Variants in GTF2H3 observed in about 807,000 individuals in gnomAD.
The protein encoded by GTF2H3 is general transcription factor IIH subunit 3.
A neutral mutation model predicts 51.1 loss-of-function variants in GTF2H3; 42 were observed. That is an observed-to-expected ratio of 0.82 (90% confidence interval 0.64 to 1.06). GTF2H3 has a LOEUF of 1.06. Among genes scored for constraint, GTF2H3 ranks in the 50% least tolerant of loss-of-function variants. The pLI is 0.00. For synonymous variants in GTF2H3, 123 were observed against 123.8 expected (o/e 0.99, Z 0.04); for missense variants, 326 against 366.1 (o/e 0.89, Z 0.89).
At chr12:123,635,171 A>G (rs890401671) in intron 1 of GTF2H3, among the ~76,000 whole-genome samples, 1 of 152,210 alleles carries the variant, frequency 6.6e-6, no homozygotes, top group Non-Finnish European at 1.5e-5. Context: ...CTTTCTTTAC[A>G]GGCAACGCTT....
chr12:123,633,927 G>A, intron 1 of GTF2H3, 55 bp downstream of exon 1: 1 of 1,583,416 alleles, frequency 6.3e-7, no homozygotes, highest in Non-Finnish European at 8.7e-7. Flanking sequence ...TCTCGGTCCG[G>A]CTACGACTGG....
intron 1 of GTF2H3, among the ~76,000 whole-genome samples, chr12:123,635,425 T>C (rs1366127380): frequency 6.6e-6 from 1 of 151,830 alleles, no homozygotes; most frequent in Non-Finnish European, 1.5e-5. Context: ...ACAAAAAAAT[T>C]AACCGGACAA....
Position 123,659,795 on chromosome 12 carries a change from T to C in GTF2H3, c.685T>C (p.Trp229Arg), listed in dbSNP as rs1955632407. Residue 229 changes from tryptophan to arginine, a missense_variant and splice_region_variant, in exon 11 of 13, where the codon TGG becomes CGG. By Grantham distance (101) the Trp-to-Arg change is moderately radical (BLOSUM62 -3). Transcript: ENST00000543341. ...TTTCTTTTGTTTGTTTGTTTTACAG[T>C]GGGTGTTTCTTCCCGATCAAGATCA... is the stretch of plus-strand genomic sequence containing the variant. ...QMPSLLQYLL[W>R]VFLPDQDQRS... 1 of 1,610,108 alleles carries C rather than the reference T, an allele frequency of 6.2e-7. No homozygotes were observed. Among genetic ancestry groups the C allele is most frequent in the Admixed American group, 1.7e-5 (1 of 59,216 alleles).
chr12:123,652,254 G>A (rs1955529565), intron 5 of GTF2H3, among the ~76,000 whole-genome samples: 2 of 152,206 alleles, frequency 1.3e-5, no homozygotes, highest in South Asian at 4.1e-4. Context: ...TCAAATTTAG[G>A]ACATGGTAGG....
chr12:123,638,507 G>C (rs948524636), intron 1 of GTF2H3, among the ~76,000 whole-genome samples: 1 of 151,698 alleles, frequency 6.6e-6, no homozygotes, highest in African/African-American at 2.4e-5. Flanking sequence ...AAGGTTTTGC[G>C]ATATTGCCCA....
chr12:123,642,152 C>T (rs187099672), intron 2 of GTF2H3, among the ~76,000 whole-genome samples: 1 of 148,114 alleles, frequency 6.8e-6, no homozygotes, highest in African/African-American at 2.5e-5. Context: ...CTGCACCCAG[C>T]CTTCAGTTAT....
intron 1 of GTF2H3, among the ~76,000 whole-genome samples, chr12:123,634,642 A>G (rs1293353215): frequency 6.6e-6 from 1 of 152,192 alleles, no homozygotes; most frequent in East Asian, 1.9e-4. Context: ...CTTTAAGTGC[A>G]TGGGCCCTGT....
intron 1 of GTF2H3, among the ~76,000 whole-genome samples, chr12:123,638,609 C>A (rs956225539): frequency 6.6e-6 from 1 of 151,894 alleles, no homozygotes; most frequent in Non-Finnish European, 1.5e-5. Context: ...CACACCTGGC[C>A]CTCGTTCAGT....
chr12:123,659,610 G>T, intron 10 of GTF2H3, 26 bp downstream of exon 10: 2 of 1,605,154 alleles, frequency 1.2e-6, no homozygotes, highest in Non-Finnish European at 1.7e-6. Context: ...CGGCGACCCT[G>T]ATGCCTGGAG....
Position 123,655,815 on chromosome 12 carries a change from C to T in GTF2H3, c.606C>T (p.Leu202=), listed in dbSNP as rs1227568166. 6.3e-7 allele frequency: 1 copy of T among 1,594,172 alleles called. No individual in the cohort carries two copies. Among genetic ancestry groups the T allele is most frequent in the Non-Finnish European group, 8.6e-7 (1 of 1,163,434 alleles). Residue 202 remains leucine (L), a synonymous_variant, in exon 9 of 13, where the codon CTC becomes CTT. Transcript: ENST00000543341. ...DACVLDSDSG[L]LQQACDITGG... is the part of the protein sequence containing the mutation. ...GTGTTTTAGACTCCGACTCAGGGCT[C>T]CTCCAACAGGTATGTTTTAAAACCA...
At chr12:123,640,337 C>CTTT (rs71088940) in intron 2 of GTF2H3, among the ~76,000 whole-genome samples, 1 of 130,818 alleles carries the variant, frequency 7.6e-6, no homozygotes, top group African/African-American at 2.9e-5. Flanking sequence ...TTTTTGTGGC[C>CTTT]TTTTTTTTTT....
chr12:123,640,484 C>A (rs1263466650), intron 2 of GTF2H3, among the ~76,000 whole-genome samples: 1 of 151,350 alleles, frequency 6.6e-6, no homozygotes, highest in African/African-American at 2.4e-5. Context: ...TTACAGGCAT[C>A]CGTCACCACG....
At chr12:123,653,565 C>T (rs1315840040) in intron 7 of GTF2H3, among the ~76,000 whole-genome samples, 1 of 151,246 alleles carries the variant, frequency 6.6e-6, no homozygotes, top group Admixed American at 6.6e-5. Flanking sequence ...AGGAGAATGG[C>T]GTGAACCCAG....
At chr12:123,636,494 A>G (rs1955285229) in intron 1 of GTF2H3, among the ~76,000 whole-genome samples, 1 of 152,140 alleles carries the variant, frequency 6.6e-6, no homozygotes, top group Admixed American at 6.6e-5. Context: ...AGCATCCTAG[A>G]GCCGGGCACG....
In GTF2H3 at chr12:123,661,480, A is replaced by G. The variant is rs766260678; in HGVS notation, c.*1245A>G. ...GTATGGTGAAACCCTGTCTCTACTA[A>G]AAATAGAAAAATTAGCCATGCGAAG... On this transcript the variant is annotated 3_prime_UTR_variant, in exon 13 of 13. Transcript: ENST00000543341. The G allele has an allele frequency of 2.6e-5, 4 of 151,592 alleles. No individual in the cohort carries two copies. Among genetic ancestry groups the G allele is most frequent in the Non-Finnish European group, 2.9e-5 (2 of 67,996 alleles). The allele number at this position is 151,592 out of a possible 1,614,324, so 9.4% of individuals were successfully genotyped here.
intron 1 of GTF2H3, among the ~76,000 whole-genome samples, chr12:123,637,095 T>C (rs1955295203): frequency 6.6e-6 from 1 of 152,086 alleles, no homozygotes; most frequent in Non-Finnish European, 1.5e-5. Context: ...TAAAAATACA[T>C]AAATAAATAA....
intron 2 of GTF2H3, among the ~76,000 whole-genome samples, chr12:123,643,468 G>C (rs902237571): frequency 6.6e-6 from 1 of 152,194 alleles, no homozygotes; most frequent in Non-Finnish European, 1.5e-5. Flanking sequence ...AGTGCTGTAT[G>C]AGAGTTCCTT....
chr12:123,653,222 C>G (rs1041531291), intron 7 of GTF2H3, among the ~76,000 whole-genome samples: 2 of 152,098 alleles, frequency 1.3e-5, no homozygotes, highest in Non-Finnish European at 1.5e-5. Context: ...AACTAAAATT[C>G]TGAGAGCGAT....
Position 123,659,905 on chromosome 12 carries a change from TTA to T in GTF2H3, c.797_798del (p.Tyr266CysfsTer24). Reference protein sequence around the residue: ...FCHRNLIEIGYVCSVCLSIFC... With the variant: ...FCHRNLIEIGXVCSVCLSIFC... Reference sequence around the variant, plus strand: ...GTCATCGAAATCTCATTGAAATTGGTTATGTCTGTTCTGTGTGTTTGTCAAGT... The same window carrying T: ...GTCATCGAAATCTCATTGAAATTGGTTGTCTGTTCTGTGTGTTTGTCAAGT... On this transcript the variant is annotated frameshift_variant, in exon 11 of 13. Coordinates refer to ENST00000543341, the MANE Select transcript of GTF2H3 (RefSeq NM_001516.5). LOFTEE classifies it high-confidence loss of function. 1.2e-6 allele frequency: 2 copies of T among 1,614,112 alleles called. No individual in the cohort carries two copies. Among genetic ancestry groups the T allele is most frequent in the Non-Finnish European group, 1.7e-6 (2 of 1,180,014 alleles).
Sources: gnomAD v4.1 joint callset for allele counts (sites outside exome capture counted in the v4.1 genomes callset) on GRCh38, gnomAD v4.1.1 for gene constraint, MANE v1.5 for transcripts, NCBI Gene and HGNC (gene_info 2026-07-23, HGNC 2026-07-21) for gene names.